The following MAB21L4 variants were observed in gnomAD, a reference collection of about 807,000 sequenced individuals.
The protein encoded by MAB21L4 is protein mab-21-like 4.
MAB21L4 carries 25 observed loss-of-function variants against 32.4 expected under a neutral mutation model. The ratio of observed to expected loss-of-function variants is 0.77; its 90% CI spans 0.56 to 1.08. MAB21L4 has a LOEUF of 1.08. Among genes scored for constraint, MAB21L4 ranks in the 50% least tolerant of loss-of-function variants. MAB21L4 has a pLI of 0.00. For synonymous variants in MAB21L4, 280 were observed against 276.8 expected (o/e 1.01, Z -0.11); for missense variants, 638 against 611.0 (o/e 1.04, Z -0.47).
chr2:240,892,463 GAT>G (rs1156531608), intron 1 of MAB21L4, among the ~76,000 whole-genome samples: 2 of 152,052 alleles, frequency 1.3e-5, no homozygotes, highest in African/African-American at 4.8e-5. Context: ...CAGTCTACAT[GAT>G]GGGGGCAGCT....
intron 1 of MAB21L4, among the ~76,000 whole-genome samples, chr2:240,894,753 G>A (rs902722192): frequency 1.3e-5 from 2 of 152,058 alleles, no homozygotes; most frequent in African/African-American, 2.4e-5. Context: ...AGCCAAGATC[G>A]TGCCATTGCA....
intron 1 of MAB21L4, 105 bp from the exon 2 acceptor site, chr2:240,891,868 C>T: frequency 1.9e-6 from 3 of 1,582,360 alleles, no homozygotes; most frequent in Non-Finnish European, 2.6e-6. Context: ...CTCATCACCT[C>T]TCACCTGCAG....
intron 1 of MAB21L4, 198 bp from the exon 2 acceptor site, chr2:240,891,961 G>T: frequency 6.4e-7 from 1 of 1,552,066 alleles, no homozygotes; most frequent in Non-Finnish European, 8.7e-7. Flanking sequence ...AGCCAAGTGA[G>T]GAGCTGGCCA....
At chr2:240,896,388 G>A (rs1006652765), upstream of MAB21L4, among the ~76,000 whole-genome samples, 8 of 152,176 alleles carry the variant, frequency 5.3e-5, no homozygotes, top group African/African-American at 1.9e-4. Flanking sequence ...TGCCGTCCCT[G>A]GGATGGGAGC....
At chr2:240,893,740 A>ACTCTGGGGGCGTGAGAAGCCT (rs2059169134) in intron 1 of MAB21L4, among the ~76,000 whole-genome samples, 1 of 151,582 alleles carries the variant, frequency 6.6e-6, no homozygotes, top group Non-Finnish European at 1.5e-5. Context: ...CTCAGGAGGC[A>ACTCTGGGGGCGTGAGAAGCCT]CTCTGGGGGC....
chr2:240,891,786 G>A (rs760831770), intron 1 of MAB21L4, 23 bp from the exon 2 acceptor site: 31 of 1,603,112 alleles, frequency 1.9e-5, no homozygotes, highest in Middle Eastern at 1.7e-4. Flanking sequence ...AAGTCACGCC[G>A]GCCCCTCGAC....
At position 240,895,881 on chromosome 2, in the gene MAB21L4, T is replaced by C. The variant is rs2059183461; in HGVS notation, c.117A>G (p.Ala39=). The change falls in exon 1 of 5, where the codon GCA becomes GCG. Residue 39 remains alanine (A), a synonymous_variant. Transcript: ENST00000388934. ...CCAGCACCGTGAGCAGCACGTTCTCTGCGCGCTGGAAGTCCTGGGCACGCG... is the reference window on the plus strand; with the variant it reads ...CCAGCACCGTGAGCAGCACGTTCTCCGCGCGCTGGAAGTCCTGGGCACGCG... ...EAPRAQDFQR[A]ENVLLTVLER... 1.3e-6 allele frequency: 2 copies of C among 1,541,494 alleles called. No individual in the cohort carries two copies.
chr2:240,896,213 C>T (rs2059186805), upstream of MAB21L4: 1 of 1,232,306 alleles, frequency 8.1e-7, no homozygotes, highest in African/African-American at 1.6e-5. Context: ...TGAGTCAGTC[C>T]CCAGCAATTG....
chr2:240,892,188 C>G, intron 1 of MAB21L4: 1 of 656,986 alleles, frequency 1.5e-6, no homozygotes, highest in Non-Finnish European at 2.4e-6. Flanking sequence ...TCAGCTAGCC[C>G]CCTACCTCCT....
chr2:240,890,203 G>T (rs778998014), intron 2 of MAB21L4, 45 bp from the exon 3 acceptor site: 2 of 1,563,300 alleles, frequency 1.3e-6, no homozygotes, highest in Admixed American at 1.7e-5. Flanking sequence ...GCCGCTGTTG[G>T]CCCCCAGCAT....
Position 240,886,782 on chromosome 2 carries a change from C to T in MAB21L4, c.*288G>A, listed in dbSNP as rs1383567177. On this transcript the variant is annotated 3_prime_UTR_variant, in exon 5 of 5. Coordinates refer to ENST00000388934, the MANE Select transcript of MAB21L4 (RefSeq NM_001085437.3). Reference sequence around the variant, plus strand: ...AAGTCCTCAGCTCCAGGTCTCCTGCCGATGCTGTTTGCTTGACAACACCAC... The same window carrying T: ...AAGTCCTCAGCTCCAGGTCTCCTGCTGATGCTGTTTGCTTGACAACACCAC... 4 of 424,214 alleles carry T rather than the reference C, an allele frequency of 9.4e-6. No homozygotes were observed. Among genetic ancestry groups the T allele is most frequent in the African/African-American group, 2.0e-5 (1 of 50,110 alleles). 26.3% of individuals were successfully genotyped at this position (424,214 alleles called of 1,614,324 possible). A position where few individuals can be genotyped will look rare whatever the true frequency, so the allele number is the denominator to read the frequency against.
rs2059185192 is a variant in MAB21L4, at chr2:240,896,028, G to T, written c.-31C>A. The T allele has an allele frequency of 1.4e-6, 2 of 1,423,820 alleles. No individual in the cohort carries two copies. Among genetic ancestry groups the T allele is most frequent in the South Asian group, 1.5e-5 (1 of 65,490 alleles). 88.2% of individuals were successfully genotyped at this position (1,423,820 alleles called of 1,614,324 possible). A position where few individuals can be genotyped will look rare whatever the true frequency, so the allele number is the denominator to read the frequency against. On this transcript the variant is annotated 5_prime_UTR_variant, in exon 1 of 5. Coordinates refer to ENST00000388934, the MANE Select transcript of MAB21L4 (RefSeq NM_001085437.3). ...CAACAGTGGCAGGTGAGGGCCAGTGGCCCCTGAGGAGGACTCCGCAGGCCA... is the reference window on the plus strand; with the variant it reads ...CAACAGTGGCAGGTGAGGGCCAGTGTCCCCTGAGGAGGACTCCGCAGGCCA...
chr2:240,894,042 G>A (rs917049906), intron 1 of MAB21L4, among the ~76,000 whole-genome samples: 1 of 151,948 alleles, frequency 6.6e-6, no homozygotes, highest in Non-Finnish European at 1.5e-5. Flanking sequence ...TCTGGGGAGG[G>A]CTTCTGTTAG....
intron 4 of MAB21L4, 96 bp from the exon 5 acceptor site, chr2:240,887,258 T>C: frequency 9.8e-7 from 1 of 1,022,214 alleles, no homozygotes; most frequent in African/African-American, 1.6e-5. Flanking sequence ...CAACTGGCCC[T>C]CCCTGGGCCA....
intron 1 of MAB21L4, among the ~76,000 whole-genome samples, chr2:240,894,438 C>A (rs906580908): frequency 1.3e-5 from 2 of 152,142 alleles, no homozygotes; most frequent in African/African-American, 4.8e-5. Flanking sequence ...GTCCTCCCAG[C>A]GACCGTCGCC....
chr2:240,895,755 C>G lies in MAB21L4; in HGVS notation c.243G>C (p.Met81Ile). The G allele has an allele frequency of 6.2e-7, 1 of 1,612,866 alleles. No individual in the cohort carries two copies. Among genetic ancestry groups the G allele is most frequent in the Non-Finnish European group, 8.5e-7 (1 of 1,179,936 alleles). Residue 81 changes from methionine to isoleucine, a missense_variant, in exon 1 of 5, where the codon ATG (methionine) becomes ATC (isoleucine). Transcript: ENST00000388934. ...CGGCATCCACCCACAGGGGCACCTC[C>G]ATGTCCATTGGGTCCTCAGAGGAGC... ...ALRSSEDPMD[M>I]EVPLWVDAEA... is the part of the protein sequence containing the mutation.
At chr2:240,889,957 C>T (rs764307204) in intron 3 of MAB21L4, 48 bp downstream of exon 3, 3 of 1,569,166 alleles carry the variant, frequency 1.9e-6, no homozygotes, top group African/African-American at 2.7e-5. Flanking sequence ...GGTGCACCTA[C>T]CCCTGGGCCC....
rs746759054 is a variant in MAB21L4, at chr2:240,888,576, G to T, written c.967C>A (p.Arg323Ser). 1 of 1,607,992 alleles carries T rather than the reference G, an allele frequency of 6.2e-7. No homozygotes were observed. Among genetic ancestry groups the T allele is most frequent in the Non-Finnish European group, 8.5e-7 (1 of 1,178,552 alleles). ...CAACAGAGCAGCACCACCAGCAGGC[G>T]GTACACGGCGCCCTGCAGTTCTGCC... ...DWAELQGAVYRLLVVLLCCLA... is the reference protein window; with the variant it reads ...DWAELQGAVYSLLVVLLCCLA... The change falls in exon 4 of 5, where the codon CGC becomes AGC. Residue 323 changes from arginine to serine, a missense_variant. Coordinates refer to ENST00000388934, the MANE Select transcript of MAB21L4 (RefSeq NM_001085437.3).
At position 240,888,310 on chromosome 2, in the gene MAB21L4, G is replaced by A. The variant is rs776823576; in HGVS notation, c.1233C>T (p.Phe411=). 2.0e-5 allele frequency: 32 copies of A among 1,574,094 alleles called. No individual in the cohort carries two copies. The highest frequency in any genetic ancestry group is 2.0e-4 in the Middle Eastern group (1 of 4,964). The change falls in exon 4 of 5, where the codon TTC becomes TTT. Residue 411 remains phenylalanine (F), a synonymous_variant. Coordinates refer to ENST00000388934, the MANE Select transcript of MAB21L4 (RefSeq NM_001085437.3). Reference sequence around the variant, plus strand: ...CACCCACCTTGTCCAGCAGGACGTCGAAGTAGGCAGTGGCCCAGTAAGTGG... The same window carrying A: ...CACCCACCTTGTCCAGCAGGACGTCAAAGTAGGCAGTGGCCCAGTAAGTGG... ...SDPTYWATAY[F]DVLLDKFQVF... is the part of the protein sequence containing the mutation.
Sources: gnomAD v4.1 joint callset for allele counts (sites outside exome capture counted in the v4.1 genomes callset) on GRCh38, gnomAD v4.1.1 for gene constraint, MANE v1.5 for transcripts, NCBI Gene and HGNC (gene_info 2026-07-23, HGNC 2026-07-21) for gene names.